Variants in ELAVL4 observed in about 807,000 individuals in gnomAD.
ELAVL4 encodes the protein ELAV-like protein 4.
In ELAVL4, 1 loss-of-function variant was observed where a neutral mutation model predicts 35.6. That is an observed-to-expected ratio of 0.03 (90% CI 0.01 to 0.13). ELAVL4 has a LOEUF of 0.13. ELAVL4 is among the 10% of genes least tolerant of loss of function. ELAVL4 has a pLI of 1.00. For missense variants in ELAVL4, 267 were observed against 464.9 expected, an observed-to-expected ratio of 0.57 and a Z score of 3.91; for synonymous variants, 156 against 171.0, an observed-to-expected ratio of 0.91 and a Z score of 0.69.
At chr1:50,199,900 T>G (rs1346042347) in intron 6 of ELAVL4, among the ~76,000 whole-genome samples, 1 of 152,168 alleles carries the variant, frequency 6.6e-6, no homozygotes, top group Non-Finnish European at 1.5e-5. Flanking sequence ...AAAGGGTCAT[T>G]TTTTCTTTTC....
chr1:50,083,449 T>A (rs932987468), intron 1 of ELAVL4, among the ~76,000 whole-genome samples: 1 of 152,202 alleles, frequency 6.6e-6, no homozygotes, highest in African/African-American at 2.4e-5. Flanking sequence ...AGAGGTTATG[T>A]ACTATGTAAG....
chr1:50,156,483 G>A (rs1675779656), intron 2 of ELAVL4, among the ~76,000 whole-genome samples: 2 of 152,214 alleles, frequency 1.3e-5, no homozygotes, highest in Non-Finnish European at 2.9e-5. Context: ...GAAGGTGGAT[G>A]TCTGTTCCTG....
chr1:50,130,569 A>C (rs1181259951), intron 1 of ELAVL4, among the ~76,000 whole-genome samples: 1 of 152,212 alleles, frequency 6.6e-6, no homozygotes, highest in African/African-American at 2.4e-5. Context: ...CTTTTTAATC[A>C]GCATTATAAC....
At chr1:50,106,505 GAA>G, upstream of ELAVL4, 2 of 672,570 alleles carry the variant, frequency 3.0e-6, no homozygotes, top group Non-Finnish European at 2.5e-6. Context: ...GATTGTGGCA[GAA>G]AAAAAAAATC....
chr1:50,116,334 T>C (rs945142928), intron 1 of ELAVL4, among the ~76,000 whole-genome samples: 1 of 152,088 alleles, frequency 6.6e-6, no homozygotes, highest in Non-Finnish European at 1.5e-5. Flanking sequence ...GCATGCCAAA[T>C]TGGAAGTTTG....
At chr1:50,066,542 A>G (rs1011202651) in intron 1 of ELAVL4, among the ~76,000 whole-genome samples, 1 of 152,160 alleles carries the variant, frequency 6.6e-6, no homozygotes, top group Non-Finnish European at 1.5e-5. Context: ...TACTTGTCAC[A>G]TGGCTGCCTC....
At chr1:50,133,215 T>C (rs562917666) in intron 1 of ELAVL4, among the ~76,000 whole-genome samples, 5 of 152,276 alleles carry the variant, frequency 3.3e-5, no homozygotes, top group South Asian at 2.1e-4. Context: ...GACCAGTGGG[T>C]CCAAGAATAT....
intron 1 of ELAVL4, among the ~76,000 whole-genome samples, chr1:50,131,556 G>A (rs1053546375): frequency 1.3e-5 from 2 of 152,016 alleles, no homozygotes; most frequent in East Asian, 1.9e-4. Context: ...TTGGGAGGCC[G>A]AGGAGGGCTG....
intron 2 of ELAVL4, among the ~76,000 whole-genome samples, chr1:50,166,084 C>T (rs191534593): frequency 1.3e-5 from 2 of 152,070 alleles, no homozygotes; most frequent in East Asian, 1.9e-4. Context: ...AGATCGTGCC[C>T]ACTAGATTAA....
intron 2 of ELAVL4, among the ~76,000 whole-genome samples, chr1:50,172,665 A>G (rs1382760806): frequency 6.6e-6 from 1 of 152,210 alleles, no homozygotes; most frequent in Non-Finnish European, 1.5e-5. Flanking sequence ...GTCTTGCCCT[A>G]TACATAAAAA....
intron 1 of ELAVL4, among the ~76,000 whole-genome samples, chr1:50,113,314 A>C (rs1252100934): frequency 6.6e-6 from 1 of 151,624 alleles, no homozygotes; most frequent in Non-Finnish European, 1.5e-5. Flanking sequence ...TATTTCTTCC[A>C]TGAGGAGATA....
intron 2 of ELAVL4, among the ~76,000 whole-genome samples, chr1:50,145,429 T>A (rs1053789692): frequency 1.3e-5 from 2 of 152,200 alleles, no homozygotes; most frequent in African/African-American, 4.8e-5. Flanking sequence ...TGTAAAATGA[T>A]CCTTTGATTT....
intron 1 of ELAVL4, among the ~76,000 whole-genome samples, chr1:50,051,116 G>C (rs1211110156): frequency 6.6e-6 from 1 of 152,098 alleles, no homozygotes; most frequent in Non-Finnish European, 1.5e-5. Context: ...AAACTTAGTA[G>C]TCATGAACTT....
intron 2 of ELAVL4, among the ~76,000 whole-genome samples, chr1:50,163,528 G>GA (rs1677169558): frequency 6.6e-6 from 1 of 152,086 alleles, no homozygotes; most frequent in Admixed American, 6.6e-5. Context: ...GTTGGTACTA[G>GA]AAAACCCATG....
At chr1:50,133,595 AAAGAAAAGAAAGAAAGAAAG>A (rs1248610756) in intron 1 of ELAVL4, among the ~76,000 whole-genome samples, 146 of 129,488 alleles carry the variant, frequency 1.1e-3, no homozygotes, top group Non-Finnish European at 9.9e-4. Flanking sequence ...AGAAAGAAAG[AAAGAAAAGAAAGAAAGAAAG>A]AAAGAAAGAA....
chr1:50,165,644 G>GTA (rs563844526), intron 2 of ELAVL4, among the ~76,000 whole-genome samples: 83 of 144,938 alleles, frequency 5.7e-4, no homozygotes, highest in Middle Eastern at 3.9e-3. Context: ...ATGTATATAG[G>GTA]TATATATATG....
At chr1:50,090,241 A>G (rs1665429157) in intron 1 of ELAVL4, among the ~76,000 whole-genome samples, 1 of 151,738 alleles carries the variant, frequency 6.6e-6, no homozygotes, top group Non-Finnish European at 1.5e-5. Flanking sequence ...TATAAATGAA[A>G]CTCTCACATA....
chr1:50,069,400 T>C (rs1664411426), intron 1 of ELAVL4, among the ~76,000 whole-genome samples: 1 of 152,224 alleles, frequency 6.6e-6, no homozygotes, highest in Non-Finnish European at 1.5e-5. Flanking sequence ...TCCCTAGATG[T>C]AGAAAATCCA....
intron 1 of ELAVL4, among the ~76,000 whole-genome samples, chr1:50,094,936 A>T (rs1410530384): frequency 6.6e-6 from 1 of 151,936 alleles, no homozygotes; most frequent in Admixed American, 6.6e-5. Flanking sequence ...TCTCAAAAAT[A>T]AAAAAATAAT....
Sources: allele counts gnomAD v4.1 joint callset (sites outside exome capture counted in the v4.1 genomes callset), GRCh38; gene constraint gnomAD v4.1.1; transcripts MANE v1.5; gene names NCBI Gene and HGNC (gene_info 2026-07-23, HGNC 2026-07-21).